Variants in RC3H2 observed in about 807,000 individuals in gnomAD.
RC3H2 encodes ring finger and CCCH-type domains 2, also known as roquin-2.
RC3H2 carries 31 observed loss-of-function variants against 133.3 expected under a neutral mutation model. The observed-to-expected ratio is 0.23, with a 90% CI of 0.17 to 0.31. The LOEUF (loss-of-function observed/expected upper bound fraction) is 0.31. RC3H2 is among the 10% of genes least tolerant of loss of function. RC3H2 has a pLI of 1.00. For synonymous variants in RC3H2, 517 were observed against 502.2 expected, an observed-to-expected ratio of 1.03 and a Z score of -0.40; for missense variants, 1,175 against 1,437.2, an observed-to-expected ratio of 0.82 and a Z score of 2.95.
At chr9:122,875,210 A>T (rs767643203) in intron 9 of RC3H2, 3 of 1,551,162 alleles carry the variant, frequency 1.9e-6, no homozygotes, top group South Asian at 2.4e-5. Flanking sequence ...TGGGGAAAAA[A>T]ACTGAGAAGA....
intron 1 of RC3H2, 120 bp downstream of exon 1, chr9:122,904,990 T>G (rs1171546649): frequency 1.1e-5 from 8 of 712,760 alleles, no homozygotes; most frequent in Non-Finnish European, 1.4e-5. Context: ...TTCCCAACCC[T>G]CGAGGCACCA....
intron 9 of RC3H2, among the ~76,000 whole-genome samples, chr9:122,869,703 T>G (rs1830979179): frequency 6.6e-6 from 1 of 151,794 alleles, no homozygotes; most frequent in African/African-American, 2.4e-5. Flanking sequence ...CAGGTGCACA[T>G]TATAGGCGCG....
chr9:122,856,814 G>T lies in RC3H2; in HGVS notation c.2455-936C>A, dbSNP rs576318578. On this transcript the variant is annotated intron_variant, in intron 13 of 20. Transcript: ENST00000357244. ...AAAGTTAAAAAACTTTTCTCAAGTC[G>T]AACTCAGCAGATCGGAGTCTCAGGG... Among the ~76,000 whole-genome samples, 1,169 of 152,248 alleles carry T rather than the reference G, an allele frequency of 7.7e-3. 13 individuals carry two copies. Among genetic ancestry groups the T allele is most frequent in the African/African-American group, 0.027 (1,105 of 41,538 alleles).
Position 122,890,421 on chromosome 9 carries a change from A to G in RC3H2, c.474T>C (p.Leu158=). ...TCAGTTCTGTTACAGTTCTTTCTCC[A>G]AGGGAACGAGCTGCTCGCATGGCTC... ...RVRAMRAARS[L]GERTVTELIL... The change falls in exon 4 of 21, where the codon CTT becomes CTC. Residue 158 remains leucine, a synonymous_variant. Coordinates refer to ENST00000357244, the MANE Select transcript of RC3H2 (RefSeq NM_001100588.3). 4.3e-6 allele frequency: 7 copies of G among 1,614,078 alleles called. No homozygotes were observed. The highest frequency in any genetic ancestry group is 5.9e-6 in the Non-Finnish European group (7 of 1,180,010).
chr9:122,904,105 T>C (rs1199892486), intron 1 of RC3H2, among the ~76,000 whole-genome samples: 4 of 151,850 alleles, frequency 2.6e-5, no homozygotes, highest in African/African-American at 9.7e-5. Context: ...CAATACAAAA[T>C]TGGAAAAAAG....
Position 122,865,365 on chromosome 9 carries a change from C to A in RC3H2, c.1618G>T (p.Asp540Tyr). 1 of 1,602,694 alleles carries A rather than the reference C, an allele frequency of 6.2e-7. No individual in the cohort carries two copies. The highest frequency in any genetic ancestry group is 8.5e-7 in the Non-Finnish European group (1 of 1,171,440). Residue 540 changes from aspartate to tyrosine, a missense_variant, in exon 10 of 21, where the codon GAT becomes TAT. Coordinates refer to ENST00000357244, the MANE Select transcript of RC3H2 (RefSeq NM_001100588.3). ...AATACCTACTTTTCAGTTACAGAAT[C>A]TGCAGAGGGCCCAGCAGCATTCTGA... ...NGQNAAGPSA[D>Y]SVTENKIGSP...
At chr9:122,855,644 T>C in intron 14 of RC3H2, 88 bp downstream of exon 14, 2 of 1,422,290 alleles carry the variant, frequency 1.4e-6, no homozygotes, top group Non-Finnish European at 9.5e-7. Flanking sequence ...ACAATATGAA[T>C]GAATGAATAG....
chr9:122,897,322 A>G lies in RC3H2; in HGVS notation c.188T>C (p.Val63Ala), dbSNP rs1053088241. 3 of 1,614,072 alleles carry G rather than the reference A, an allele frequency of 1.9e-6. No individual in the cohort carries two copies. The highest frequency in any genetic ancestry group is 2.5e-6 in the Non-Finnish European group (3 of 1,180,010). The change falls in exon 2 of 21, where the codon GTA (valine) becomes GCA (alanine). Residue 63 changes from valine (V) to alanine (A), a missense_variant. Around this residue, in one of 8 missense-constraint regions of RC3H2, gnomAD observed 41 missense variants for 88.0 expected, o/e 0.47. Transcript: ENST00000357244. ...DQTAINTDID[V>A]LPVNFALLQL... ...GAGAAGTGCGAAGTTGACAGGAAGTACATCAATATCTGTGTTGATGGCAGT... is the reference window on the plus strand; with the variant it reads ...GAGAAGTGCGAAGTTGACAGGAAGTGCATCAATATCTGTGTTGATGGCAGT...
At chr9:122,904,072 C>T (rs919566104) in intron 1 of RC3H2, among the ~76,000 whole-genome samples, 1 of 152,058 alleles carries the variant, frequency 6.6e-6, no homozygotes, top group Non-Finnish European at 1.5e-5. Context: ...CCAAAAGTTC[C>T]TACTGGAACT....
intron 8 of RC3H2, 80 bp downstream of exon 8, chr9:122,879,675 A>G: frequency 1.0e-6 from 1 of 966,186 alleles, no homozygotes; most frequent in Non-Finnish European, 1.6e-6. Flanking sequence ...GAGTCCAATT[A>G]ACAAAACAGC....
intron 9 of RC3H2, chr9:122,875,479 T>C (rs1831294733): frequency 2.2e-6 from 3 of 1,375,852 alleles, no homozygotes; most frequent in South Asian, 3.7e-5. Context: ...TGTCTGTGGC[T>C]GTTTTTTTGC....
intron 15 of RC3H2, 28 bp from the exon 16 acceptor site, chr9:122,854,643 T>C (rs1318920661): frequency 6.7e-7 from 1 of 1,497,678 alleles, no homozygotes; most frequent in Non-Finnish European, 9.3e-7. Context: ...GAAACAATGG[T>C]CAAAAAAGTG....
At chr9:122,854,824 A>T (rs1830179385) in intron 15 of RC3H2, among the ~76,000 whole-genome samples, 2 of 152,152 alleles carry the variant, frequency 1.3e-5, no homozygotes, top group Non-Finnish European at 2.9e-5. Context: ...AGTGCTTAGG[A>T]CAGGCACAGT....
chr9:122,865,591 A>G lies in RC3H2; in HGVS notation c.1392T>C (p.Gly464=). The G allele has an allele frequency of 1.2e-6, 2 of 1,614,158 alleles. No homozygotes were observed. The highest frequency in any genetic ancestry group is 4.5e-5 in the East Asian group (2 of 44,890). The change falls in exon 10 of 21, where the codon GGT becomes GGC. Residue 464 remains glycine (G), a synonymous_variant. Coordinates refer to ENST00000357244, the MANE Select transcript of RC3H2 (RefSeq NM_001100588.3). ...CTGTGGTTGTGACAGTGTTGTTTAC[A>G]CCAACTTTATTTAGAAGAGGAAACG... ...VRTFPLLNKV[G]VNNTVTTTAG...
chr9:122,892,236 T>C (rs1382401345), intron 3 of RC3H2, among the ~76,000 whole-genome samples: 1 of 152,018 alleles, frequency 6.6e-6, no homozygotes, highest in Admixed American at 6.6e-5. Context: ...ACCGGTCTCC[T>C]CAGTAGCTGG....
intron 4 of RC3H2, 187 bp downstream of exon 4, chr9:122,890,125 A>T: frequency 1.6e-6 from 1 of 624,090 alleles, no homozygotes; most frequent in Non-Finnish European, 2.8e-6. Flanking sequence ...TGGGTGACAG[A>T]GTGAGACCCT....
At chr9:122,894,508 T>C (rs111999853) in intron 2 of RC3H2, among the ~76,000 whole-genome samples, 3,078 of 152,210 alleles carry the variant, frequency 0.02, 106 homozygotes, top group African/African-American at 0.071. Flanking sequence ...CTGGAAATAC[T>C]AGCGAGGGGT....
chr9:122,868,865 G>A (rs1194251642), intron 9 of RC3H2, among the ~76,000 whole-genome samples: 10 of 65,402 alleles, frequency 1.5e-4, no homozygotes, highest in Middle Eastern at 8.3e-3. Context: ...GTGTGTGTGT[G>A]TGTGTGTGTG....
intron 3 of RC3H2, among the ~76,000 whole-genome samples, chr9:122,891,289 C>T (rs1832158415): frequency 6.6e-6 from 1 of 152,164 alleles, no homozygotes; most frequent in Admixed American, 6.5e-5. Flanking sequence ...TCTCAAAGTG[C>T]TGGAATTACA....
Sources: allele counts gnomAD v4.1 joint callset (sites outside exome capture counted in the v4.1 genomes callset), GRCh38; gene constraint gnomAD v4.1.1; regional missense constraint gnomAD v4.1.1; transcripts MANE v1.5; gene names NCBI Gene and HGNC (gene_info 2026-07-23, HGNC 2026-07-21).